The following CAPN5 variants were observed in gnomAD, a reference collection of about 807,000 sequenced individuals.
CAPN5 encodes the protein calpain-5.
A neutral mutation model predicts 73.0 loss-of-function variants in CAPN5; 54 were observed. The observed-to-expected ratio is 0.74, with a 90% CI of 0.59 to 0.93. The LOEUF (loss-of-function observed/expected upper bound fraction) is 0.93. CAPN5 is among the 40% of genes least tolerant of loss of function. The pLI is 0.00. For missense variants in CAPN5, 785 were observed against 882.9 expected, an observed-to-expected ratio of 0.89 and a Z score of 1.41; for synonymous variants, 335 against 356.9, an observed-to-expected ratio of 0.94 and a Z score of 0.69.
intron 1 of CAPN5, among the ~76,000 whole-genome samples, chr11:77,076,231 G>T (rs1022243280): frequency 2.0e-5 from 3 of 152,160 alleles, no homozygotes; most frequent in Middle Eastern, 3.4e-3. Flanking sequence ...GACTAGTGGC[G>T]GTCACCTGTA....
chr11:77,071,002 G>T (rs1236118333), intron 1 of CAPN5, among the ~76,000 whole-genome samples: 1 of 152,226 alleles, frequency 6.6e-6, no homozygotes, highest in African/African-American at 2.4e-5. Context: ...CGCATCTTCA[G>T]AGTCCCTTGT....
intron 1 of CAPN5, among the ~76,000 whole-genome samples, chr11:77,069,588 A>T (rs1949881110): frequency 6.6e-6 from 1 of 152,114 alleles, no homozygotes; most frequent in South Asian, 2.1e-4. Context: ...TTGAACAGAA[A>T]GCCCAGCAGT....
intron 2 of CAPN5, 88 bp downstream of exon 2, chr11:77,085,139 G>A (rs1950072218): frequency 1.7e-6 from 2 of 1,185,850 alleles, no homozygotes; most frequent in Non-Finnish European, 2.5e-6. Flanking sequence ...GGTGGTGGGA[G>A]GAGGCATCCC....
rs140653304 is a variant in CAPN5 at position 77,118,190 on chromosome 11, G to A, written c.1005G>A (p.Thr335=). Residue 335 remains threonine, a synonymous_variant, in exon 8 of 13, where the codon ACG becomes ACA. Transcript: ENST00000648180. ...MTFEDVCRYF[T]DIIKCRVINT... ...TCGAGGACGTGTGCCGGTACTTCAC[G>A]GACATCATCAAGTGCCGCGTGATCA... The A allele has an allele frequency of 3.2e-5, 51 of 1,613,948 alleles. No homozygotes were observed. The highest frequency in any genetic ancestry group is 2.4e-4 in the South Asian group (22 of 91,066).
intron 3 of CAPN5, among the ~76,000 whole-genome samples, chr11:77,095,550 C>G (rs989220356): frequency 6.6e-6 from 1 of 152,210 alleles, no homozygotes; most frequent in East Asian, 1.9e-4. Flanking sequence ...GTTTTGGGAA[C>G]AGAGCTCCTT....
intron 1 of CAPN5, among the ~76,000 whole-genome samples, chr11:77,082,806 A>G (rs1950041628): frequency 1.3e-5 from 2 of 152,158 alleles, no homozygotes; most frequent in Non-Finnish European, 2.9e-5. Flanking sequence ...TTTCTCCACC[A>G]GCCTGGCTGT....
intron 11 of CAPN5, 146 bp from the exon 12 acceptor site, chr11:77,122,429 TG>T: frequency 1.5e-6 from 1 of 689,268 alleles, no homozygotes; most frequent in Non-Finnish European, 2.5e-6. Context: ...GGCCTGTCTC[TG>T]GAAACGAAGG....
Position 77,093,819 on chromosome 11 carries a change from G to A in CAPN5, c.297+6G>A, listed in dbSNP as rs370922533. The stretch of plus-strand genomic sequence containing the variant: ...GGGAGTCGCTGTGGCAAAAGGTGAG[G>A]CCTCGGGCAGAGTGGGCAGGGTGCT... On this transcript the variant is annotated splice_donor_region_variant and intron_variant, in intron 3 of 12. Coordinates refer to ENST00000648180, the MANE Select transcript of CAPN5 (RefSeq NM_004055.5). The A allele has an allele frequency of 2.0e-5, 32 of 1,608,488 alleles. No homozygotes were observed. In the African/African-American group the frequency reaches 3.7e-4, roughly 19 times the overall value.
chr11:77,098,458 A>G (rs1164191126), intron 3 of CAPN5, among the ~76,000 whole-genome samples: 41 of 96,296 alleles, frequency 4.3e-4, no homozygotes, highest in African/African-American at 1.8e-3. Flanking sequence ...GGCCGGGCAG[A>G]GGCGCCCCTC....
At chr11:77,080,695 G>A (rs764899357) in intron 1 of CAPN5, among the ~76,000 whole-genome samples, 1 of 152,210 alleles carries the variant, frequency 6.6e-6, no homozygotes, top group Admixed American at 6.5e-5. Flanking sequence ...CCATGTCCCA[G>A]GTGAGGATAG....
chr11:77,096,732 A>G (rs544571188), intron 3 of CAPN5, among the ~76,000 whole-genome samples: 132 of 152,380 alleles, frequency 8.7e-4, no homozygotes, highest in African/African-American at 3.0e-3. Flanking sequence ...AGCCTGGAGC[A>G]GCCACAGGGG....
chr11:77,072,682 G>A (rs1949921603), intron 1 of CAPN5, among the ~76,000 whole-genome samples: 1 of 152,228 alleles, frequency 6.6e-6, no homozygotes, highest in Non-Finnish European at 1.5e-5. Context: ...GGTTGTGCAG[G>A]AGCTTGTGCT....
chr11:77,112,520 C>G, intron 3 of CAPN5, 69 bp from the exon 4 acceptor site: 1 of 1,226,984 alleles, frequency 8.2e-7, no homozygotes, highest in Non-Finnish European at 1.2e-6. Flanking sequence ...GCACACGCCC[C>G]CATTTCCTCA....
intron 3 of CAPN5, among the ~76,000 whole-genome samples, chr11:77,102,115 G>A (rs1555038971): frequency 1.3e-5 from 2 of 152,216 alleles, no homozygotes; most frequent in Non-Finnish European, 2.9e-5. Flanking sequence ...AGTTCTGGGA[G>A]GGGGTCCAGC....
chr11:77,071,381 G>A (rs11237076), intron 1 of CAPN5, among the ~76,000 whole-genome samples: 55,349 of 152,158 alleles, frequency 0.36, 11,201 homozygotes, highest in Non-Finnish European at 0.45. Context: ...CTTTGACAGC[G>A]TGCTGGGCCT....
At chr11:77,088,164 C>T (rs1950110058) in intron 2 of CAPN5, 8 of 1,259,116 alleles carry the variant, frequency 6.4e-6, no homozygotes, top group Admixed American at 2.7e-5. Flanking sequence ...GTGGAATGCA[C>T]AGGGGACAAG....
chr11:77,094,286 A>G (rs1555037176), intron 3 of CAPN5, among the ~76,000 whole-genome samples: 1 of 152,154 alleles, frequency 6.6e-6, no homozygotes, highest in Non-Finnish European at 1.5e-5. Context: ...TCCCAGTTCC[A>G]AGCTGCTGGT....
At chr11:77,114,495 G>C in intron 5 of CAPN5, 61 bp downstream of exon 5, 1 of 1,469,948 alleles carries the variant, frequency 6.8e-7, no homozygotes, top group Non-Finnish European at 9.5e-7. Flanking sequence ...ACTGAGATGG[G>C]AGACAACTGT....
intron 8 of CAPN5, among the ~76,000 whole-genome samples, 187 bp downstream of exon 8, chr11:77,118,539 C>A (rs1285487713): frequency 6.6e-6 from 1 of 152,238 alleles, no homozygotes; most frequent in Non-Finnish European, 1.5e-5. Flanking sequence ...AGCCCCCAGC[C>A]TCACAATCTA....
Sources: gnomAD v4.1 joint callset for allele counts (sites outside exome capture counted in the v4.1 genomes callset) on GRCh38, gnomAD v4.1.1 for gene constraint, MANE v1.5 for transcripts, NCBI Gene and HGNC (gene_info 2026-07-23, HGNC 2026-07-21) for gene names.